Variants in GLIS3 observed in about 807,000 individuals in gnomAD.
GLIS3 encodes zinc finger protein GLIS3.
A neutral mutation model predicts 78.6 loss-of-function variants in GLIS3; 53 were observed. The observed-to-expected ratio is 0.67, with a 90% CI of 0.54 to 0.85. The LOEUF (loss-of-function observed/expected upper bound fraction) is 0.85, where lower values mean the gene tolerates loss of function less well. GLIS3 is among the 40% of genes least tolerant of loss of function. GLIS3 has a pLI of 0.00. For synonymous variants in GLIS3, 684 were observed against 509.9 expected (o/e 1.34, Z -4.60); for missense variants, 1,703 against 1,231.1 (o/e 1.38, Z -5.74).
chr9:3,923,811 T>A (rs1246434473), intron 6 of GLIS3, among the ~76,000 whole-genome samples: 1 of 152,184 alleles, frequency 6.6e-6, no homozygotes, highest in African/African-American at 2.4e-5. Context: ...CTAGACCTCA[T>A]GTAGTGGCAG....
At chr9:4,161,362 G>C (rs1835462701) in intron 2 of GLIS3, among the ~76,000 whole-genome samples, 2 of 152,060 alleles carry the variant, frequency 1.3e-5, no homozygotes, top group Non-Finnish European at 2.9e-5. Context: ...TTCTGTTTTA[G>C]CATTTCCACA....
intron 4 of GLIS3, 31 bp downstream of exon 4, chr9:4,117,737 A>C (rs2130873885): frequency 6.2e-7 from 1 of 1,614,040 alleles, no homozygotes; most frequent in Non-Finnish European, 8.5e-7. Flanking sequence ...GGCCTTCAAG[A>C]GAGGTCACCC....
intron 8 of GLIS3, among the ~76,000 whole-genome samples, chr9:3,872,089 C>T (rs905979751): frequency 7.2e-5 from 11 of 152,224 alleles, no homozygotes; most frequent in Non-Finnish European, 1.6e-4. Context: ...CAAAATGCCA[C>T]CACTACCTTT....
intron 2 of GLIS3, among the ~76,000 whole-genome samples, chr9:4,189,816 C>G (rs1231921657): frequency 2.0e-5 from 3 of 151,512 alleles, no homozygotes; most frequent in Admixed American, 6.6e-5. Flanking sequence ...AGGATTGCAA[C>G]CCCTGCCTTT....
chr9:4,092,117 T>C (rs1005505946), intron 4 of GLIS3, among the ~76,000 whole-genome samples: 2 of 151,650 alleles, frequency 1.3e-5, no homozygotes, highest in Admixed American at 1.3e-4. Flanking sequence ...TTTCTTTCTT[T>C]AATAATAAAT....
At chr9:4,235,316 A>AAAAC (rs1554629683) in intron 2 of GLIS3, among the ~76,000 whole-genome samples, 2 of 144,092 alleles carry the variant, frequency 1.4e-5, no homozygotes, top group Non-Finnish European at 3.1e-5. Flanking sequence ...AAAAAAAAAA[A>AAAAC]CTGATGGGGG....
At chr9:4,383,657 G>C in the GLIS3 span, among the ~76,000 whole-genome samples, 3 of 152,146 alleles carry the variant, frequency 2.0e-5, no homozygotes, top group African/African-American at 7.2e-5. Flanking sequence ...ATAAAATCTA[G>C]ATGTATAAGT....
At chr9:4,144,515 G>A (rs1834060455) in intron 2 of GLIS3, among the ~76,000 whole-genome samples, 1 of 152,196 alleles carries the variant, frequency 6.6e-6, no homozygotes, top group South Asian at 2.1e-4. Flanking sequence ...GTTTATACAT[G>A]ATTAAGCATG....
upstream of GLIS3, among the ~76,000 whole-genome samples, chr9:4,300,530 G>A (rs968538158): frequency 1.3e-5 from 2 of 152,100 alleles, no homozygotes; most frequent in African/African-American, 4.8e-5. Flanking sequence ...GAAGCACTAA[G>A]GAAGGCTTTG....
chr9:4,437,830 A>C, the GLIS3 span, among the ~76,000 whole-genome samples: 1 of 152,122 alleles, frequency 6.6e-6, no homozygotes, highest in Admixed American at 6.6e-5. Flanking sequence ...ATGAATAGTA[A>C]ATATATTTCT....
the GLIS3 span, among the ~76,000 whole-genome samples, chr9:4,437,825 T>G: frequency 6.6e-6 from 1 of 152,202 alleles, no homozygotes; most frequent in Non-Finnish European, 1.5e-5. Context: ...TCTTAATGAA[T>G]AGTAAATATA....
chr9:3,886,355 C>A (rs539714654), intron 7 of GLIS3, among the ~76,000 whole-genome samples: 4 of 152,006 alleles, frequency 2.6e-5, no homozygotes, highest in Admixed American at 1.3e-4. Flanking sequence ...TTATTTTGCA[C>A]GAGTAGAGTA....
intron 2 of GLIS3, among the ~76,000 whole-genome samples, chr9:4,319,839 T>C (rs1014339945): frequency 5.9e-5 from 9 of 152,186 alleles, no homozygotes; most frequent in African/African-American, 2.2e-4. Flanking sequence ...AATAACGTTA[T>C]TGAAATATAC....
chr9:4,099,157 A>G (rs1191193785), intron 4 of GLIS3, among the ~76,000 whole-genome samples: 1 of 152,240 alleles, frequency 6.6e-6, no homozygotes, highest in Non-Finnish European at 1.5e-5. Context: ...TGTCTGAATT[A>G]GATTCCTAGG....
intron 4 of GLIS3, among the ~76,000 whole-genome samples, chr9:4,087,217 G>C (rs959345242): frequency 1.3e-5 from 2 of 152,214 alleles, no homozygotes; most frequent in African/African-American, 4.8e-5. Context: ...GATGAGTACA[G>C]AGGTAGAACA....
At chr9:4,274,294 A>T (rs1047777128) in intron 2 of GLIS3, among the ~76,000 whole-genome samples, 4 of 152,170 alleles carry the variant, frequency 2.6e-5, no homozygotes, top group African/African-American at 9.7e-5. Flanking sequence ...TCCCTTGATC[A>T]AAAAGCAAGA....
At chr9:4,449,350 T>G in the GLIS3 span, among the ~76,000 whole-genome samples, 1 of 152,196 alleles carries the variant, frequency 6.6e-6, no homozygotes, top group Non-Finnish European at 1.5e-5. Context: ...ACCACAGCTC[T>G]GCAAGGCCTG....
In GLIS3 at chr9:4,327,830, C is replaced by G. The variant is rs144661622; in HGVS notation, n.265-17302G>C. On this transcript the variant is annotated intron_variant and non_coding_transcript_variant, in intron 2 of 4. Coordinates refer to the GLIS3 transcript ENST00000471664. ...TAACTTCCTCCTAAATGTCACTCCT[C>G]GAGGTGCATCTGAAGGTTGCGATCA... 2.6e-5 allele frequency among the ~76,000 whole-genome samples: 4 copies of G among 152,306 alleles called. No homozygotes were observed. The East Asian group carries it at 7.7e-4, about 29-fold the overall frequency.
the GLIS3 span, among the ~76,000 whole-genome samples, chr9:4,420,034 G>A: frequency 6.6e-6 from 1 of 152,166 alleles, no homozygotes. Flanking sequence ...AGTAGTTATG[G>A]GGAATTTAGA....
Sources: gnomAD v4.1 joint callset for allele counts (sites outside exome capture counted in the v4.1 genomes callset) on GRCh38, gnomAD v4.1.1 for gene constraint, MANE v1.5 for transcripts, NCBI Gene and HGNC (gene_info 2026-07-23, HGNC 2026-07-21) for gene names.